Variants in BRCA1 observed in about 807,000 individuals in gnomAD.
BRCA1 encodes breast cancer type 1 susceptibility protein.
Under a neutral mutation model 173.7 loss-of-function variants are expected in BRCA1, and 140 were observed. The observed-to-expected ratio is 0.81, with a 90% CI of 0.70 to 0.93. The LOEUF (loss-of-function observed/expected upper bound fraction) is 0.93, where lower values mean the gene tolerates loss of function less well. BRCA1 is among the 40% of genes least tolerant of loss of function. The pLI is 0.00. For synonymous variants in BRCA1, 662 were observed against 756.0 expected, an observed-to-expected ratio of 0.88 and a Z score of 2.04; for missense variants, 1,983 against 2,172.5, an observed-to-expected ratio of 0.91 and a Z score of 1.73.
rs768730453 is a variant in BRCA1, at chr17:43,045,424, T to C, written c.*254A>G. 2 of 680,970 alleles carry C rather than the reference T, an allele frequency of 2.9e-6. No homozygotes were observed. The highest frequency in any genetic ancestry group is 4.1e-5 in the Admixed American group (2 of 49,210). 42.2% of individuals were successfully genotyped at this position (680,970 alleles called of 1,614,324 possible). On this transcript the variant is annotated 3_prime_UTR_variant, in exon 23 of 23. Coordinates refer to ENST00000357654, the MANE Select transcript of BRCA1 (RefSeq NM_007294.4). Reference sequence around the variant, plus strand: ...TGCTCAATTGGTGGCGTTTAAATGGTTTTAAAATCTTCTCAGGTGAAAAAT... The same window carrying C: ...TGCTCAATTGGTGGCGTTTAAATGGCTTTAAAATCTTCTCAGGTGAAAAAT...
At position 43,091,845 on chromosome 17, in the gene BRCA1, A is replaced by G. The variant is rs2053543910; in HGVS notation, c.3686T>C (p.Leu1229Ser). The change falls in exon 10 of 23, where the codon TTG (leucine) becomes TCG (serine). Residue 1229 changes from leucine (L) to serine (S), a missense_variant. Leu to Ser is a moderately radical substitution (Grantham distance 145). Transcript: ENST00000357654. The stretch of plus-strand genomic sequence containing the variant: ...TATATTGTTTACTTTACCAAATAAC[A>G]AGTGTTGGAAGCAGGGAAGCTCTTC... ...EDEELPCFQH[L>S]LFGKVNNIPS... 1 of 1,614,160 alleles carries G rather than the reference A, an allele frequency of 6.2e-7. No homozygotes were observed. Among genetic ancestry groups the G allele is most frequent in the South Asian group, 1.1e-5 (1 of 91,080 alleles).
chr17:43,054,937 A>T (rs1000971968), intron 19 of BRCA1, among the ~76,000 whole-genome samples: 1 of 151,920 alleles, frequency 6.6e-6, no homozygotes, highest in African/African-American at 2.4e-5. Flanking sequence ...TTTAGTAGAG[A>T]TGGGGTTTCA....
chr17:43,088,173 TATCATTTTA>T, intron 11 of BRCA1, among the ~76,000 whole-genome samples: 1 of 152,290 alleles, frequency 6.6e-6, no homozygotes, highest in South Asian at 2.1e-4. Context: ...ACAATTAACT[TATCATTTTA>T]ATCATTTTAA....
Position 43,093,734 on chromosome 17 carries a change from A to G in BRCA1, c.1797T>C (p.Asn599=), listed in dbSNP as rs756211343. The change falls in exon 10 of 23, where the codon AAT becomes AAC. Residue 599 remains asparagine, a synonymous_variant. Coordinates refer to ENST00000357654, the MANE Select transcript of BRCA1 (RefSeq NM_007294.4). ...SSISNMELEL[N]IHNSKAPKKN... ...TTTTAGGTGCTTTTGAATTGTGGAT[A>G]TTTAATTCGAGTTCCATATTGCTTA... The G allele has an allele frequency of 8.1e-6, 13 of 1,613,922 alleles. No homozygotes were observed. The East Asian group carries it at 2.7e-4, about 33-fold the overall frequency.
At chr17:43,168,258 G>A (rs2056280932) in intron 1 of BRCA1, 9 of 411,234 alleles carry the variant, frequency 2.2e-5, no homozygotes, top group South Asian at 1.6e-4. Flanking sequence ...ATCTCTTTCT[G>A]TTCCAATGAA....
chr17:43,128,720 T>G (rs1285211140), upstream of BRCA1, among the ~76,000 whole-genome samples: 2 of 152,210 alleles, frequency 1.3e-5, no homozygotes, highest in African/African-American at 2.4e-5. Context: ...CATTCTCCTT[T>G]TTTCGAGACC....
chr17:43,152,186 C>T (rs959834399), intron 1 of BRCA1, among the ~76,000 whole-genome samples: 71 of 152,334 alleles, frequency 4.7e-4, no homozygotes, highest in African/African-American at 1.6e-3. Flanking sequence ...CATCTGTTGC[C>T]TGGCTTTGCT....
chr17:43,092,298 G>A lies in BRCA1; in HGVS notation c.3233C>T (p.Pro1078Leu). The A allele has an allele frequency of 6.2e-7, 1 of 1,613,724 alleles. No homozygotes were observed. Among genetic ancestry groups the A allele is most frequent in the South Asian group, 1.1e-5 (1 of 91,066 alleles). ...TAATCTAAGCATAGCATTCAATTTT[G>A]GCCCTCTGTTTCTACCTAGTTCTGC... The part of the protein sequence containing the change: ...IQAELGRNRG[P>L]KLNAMLRLGV... The change falls in exon 10 of 23, where the codon CCA (proline) becomes CTA (leucine). Residue 1078 changes from proline (P) to leucine (L), a missense_variant. Transcript: ENST00000357654.
At chr17:43,115,944 C>T (rs1293699604) in intron 2 of BRCA1, among the ~76,000 whole-genome samples, 165 bp from the exon 3 acceptor site, 1 of 152,194 alleles carries the variant, frequency 6.6e-6, no homozygotes, top group East Asian at 1.9e-4. Flanking sequence ...GTGTCAGGAA[C>T]TGAGAATACA....
intron 16 of BRCA1, among the ~76,000 whole-genome samples, chr17:43,064,732 CATTT>C (rs939914016): frequency 2.0e-5 from 3 of 151,612 alleles, no homozygotes; most frequent in Non-Finnish European, 2.9e-5. Flanking sequence ...GATTTAGTAA[CATTT>C]ATTACACTTA....
At chr17:43,067,569 C>T (rs1200270723) in intron 16 of BRCA1, 39 bp downstream of exon 16, 3 of 1,528,870 alleles carry the variant, frequency 2.0e-6, no homozygotes, top group Admixed American at 3.3e-5. Flanking sequence ...TGGTTTTATG[C>T]AGCAGATGCA....
intron 18 of BRCA1, among the ~76,000 whole-genome samples, chr17:43,057,587 G>A (rs1224406724): frequency 6.6e-6 from 1 of 151,834 alleles, no homozygotes; most frequent in African/African-American, 2.4e-5. Context: ...TGTAATCCCA[G>A]GACTTTGGGA....
chr17:43,111,062 C>T (rs1358217065), intron 3 of BRCA1, among the ~76,000 whole-genome samples: 2 of 148,812 alleles, frequency 1.3e-5, no homozygotes, highest in African/African-American at 2.5e-5. Context: ...GATTGTACCA[C>T]TGCACTCCAG....
At chr17:43,148,582 G>A (rs2056138942) in intron 1 of BRCA1, 1 of 152,306 alleles carries the variant, frequency 6.6e-6, no homozygotes, top group South Asian at 2.1e-4. Flanking sequence ...AGTTAGGGTG[G>A]AGCAGGAACA....
At position 43,093,960 on chromosome 17, in the gene BRCA1, G is replaced by A. The variant is rs80357333; in HGVS notation, c.1571C>T (p.Ala524Val). Residue 524 changes from alanine (A) to valine (V), a missense_variant, in exon 10 of 23, where the codon GCA becomes GTA. Physicochemically the swap from Ala to Val is moderately conservative, Grantham distance 64. Transcript: ENST00000357654. ...PEDFIKKADL[A>V]VQKTPEMINQ... is the part of the protein sequence containing the mutation. ...TATCATTTCAGGAGTCTTTTGAACTGCCAAATCTGCTTTCTTGATAAAATC... is the reference window on the plus strand; with the variant it reads ...TATCATTTCAGGAGTCTTTTGAACTACCAAATCTGCTTTCTTGATAAAATC... 5 of 1,613,596 alleles carry A rather than the reference G, an allele frequency of 3.1e-6. No individual in the cohort carries two copies. Among genetic ancestry groups the A allele is most frequent in the Admixed American group, 1.7e-5 (1 of 59,942 alleles).
Position 43,104,224 on chromosome 17 carries a change from G to A in BRCA1, c.339C>T (p.Asn113=), listed in dbSNP as rs587779367. 1 of 1,612,680 alleles carries A rather than the reference G, an allele frequency of 6.2e-7. No individual in the cohort carries two copies. The highest frequency in any genetic ancestry group is 8.5e-7 in the Non-Finnish European group (1 of 1,178,844). The change falls in exon 6 of 23, where the codon AAC becomes AAT. Residue 113 remains asparagine, a synonymous_variant. Coordinates refer to ENST00000357654, the MANE Select transcript of BRCA1 (RefSeq NM_007294.4). ...CTTCATCTTTTAGATGTTCAGGAGA[G>A]TTATTTTCCTTTTTTGCAAAATTAT... ...NSYNFAKKEN[N]SPEHLKDEVS...
intron 1 of BRCA1, among the ~76,000 whole-genome samples, chr17:43,130,486 G>C (rs1443192356): frequency 6.6e-6 from 1 of 152,178 alleles, no homozygotes; most frequent in East Asian, 1.9e-4. Context: ...GCTAATTTTT[G>C]TATTTTTATT....
Position 43,072,229 on chromosome 17 carries a change from A to G in BRCA1, c.4676-991T>C, listed in dbSNP as rs928641976. 1.7e-4 allele frequency among the ~76,000 whole-genome samples: 26 copies of G among 151,486 alleles called. 1 individual carries two copies. Among genetic ancestry groups the G allele is most frequent in the African/African-American group, 6.1e-4 (25 of 41,172 alleles). On this transcript the variant is annotated intron_variant, in intron 14 of 22. Coordinates refer to ENST00000357654, the MANE Select transcript of BRCA1 (RefSeq NM_007294.4). ...ATGGAGAAACCCTGTCTCTACTAAA[A>G]ATACAAAAAATTAGCCGGGCGTGGT...
chr17:43,112,809 G>GTT (rs1255460785), intron 3 of BRCA1, among the ~76,000 whole-genome samples: 2 of 133,046 alleles, frequency 1.5e-5, no homozygotes, highest in African/African-American at 2.9e-5. Flanking sequence ...GTTTTTTGTT[G>GTT]TTTTTTTTTT....
Sources: allele counts gnomAD v4.1 joint callset (sites outside exome capture counted in the v4.1 genomes callset), GRCh38; gene constraint gnomAD v4.1.1; transcripts MANE v1.5; gene names NCBI Gene and HGNC (gene_info 2026-07-23, HGNC 2026-07-21).